The following PHF2 variants were observed in gnomAD, a reference collection of about 807,000 sequenced individuals.
The protein encoded by PHF2 is lysine-specific demethylase PHF2.
PHF2 carries 27 observed loss-of-function variants against 120.5 expected under a neutral mutation model. The ratio of observed to expected loss-of-function variants is 0.22; its 90% CI spans 0.17 to 0.31. The LOEUF is 0.31. PHF2 is among the 10% of genes least tolerant of loss of function. The pLI is 1.00. For synonymous variants in PHF2, 568 were observed against 592.5 expected, an observed-to-expected ratio of 0.96 and a Z score of 0.60; for missense variants, 1,024 against 1,434.8, an observed-to-expected ratio of 0.71 and a Z score of 4.63.
intron 20 of PHF2, 38 bp from the exon 21 acceptor site, chr9:93,676,556 C>T: frequency 1.3e-6 from 2 of 1,556,330 alleles, no homozygotes; most frequent in Non-Finnish European, 1.7e-6. Flanking sequence ...CCCAAGTGGG[C>T]TGTGCGTCTG....
In PHF2 at chr9:93,604,155, A is replaced by T. The variant is rs559186062; in HGVS notation, c.99-25815A>T. Among the ~76,000 whole-genome samples the T allele has an allele frequency of 1.1e-4, 17 of 152,186 alleles. No homozygotes were observed. In the South Asian group the frequency reaches 3.5e-3, roughly 32 times the overall value. On this transcript the variant is annotated intron_variant, in intron 1 of 21. Transcript: ENST00000359246. The stretch of plus-strand genomic sequence containing the variant: ...GACACCCCTCTGAGATGGGAAAAAC[A>T]GGTTGATGTGTGGTAGGGAAGAGGC...
intron 1 of PHF2, among the ~76,000 whole-genome samples, chr9:93,626,820 A>G (rs778001058): frequency 6.6e-6 from 1 of 152,268 alleles, no homozygotes; most frequent in Non-Finnish European, 1.5e-5. Context: ...CCTTAGCACC[A>G]TTTGTTGAAG....
chr9:93,589,294 A>G (rs1863125096), intron 1 of PHF2, among the ~76,000 whole-genome samples: 1 of 152,206 alleles, frequency 6.6e-6, no homozygotes, highest in African/African-American at 2.4e-5. Context: ...CACAGCAGAC[A>G]CTGTGTAGGG....
intron 1 of PHF2, among the ~76,000 whole-genome samples, chr9:93,586,725 G>T (rs912229384): frequency 5.9e-5 from 9 of 152,368 alleles, no homozygotes; most frequent in Non-Finnish European, 1.3e-4. Context: ...GAGCGAGCAC[G>T]TCCCTCAGTC....
At chr9:93,594,083 A>T (rs1409006376) in intron 1 of PHF2, among the ~76,000 whole-genome samples, 1 of 152,136 alleles carries the variant, frequency 6.6e-6, no homozygotes, top group African/African-American at 2.4e-5. Flanking sequence ...TCTCTGCTGC[A>T]CAGCAATTGG....
chr9:93,608,609 A>T (rs543313985), intron 1 of PHF2, among the ~76,000 whole-genome samples: 1 of 152,070 alleles, frequency 6.6e-6, no homozygotes, highest in Non-Finnish European at 1.5e-5. Context: ...TAATTATTCA[A>T]TTTCTTTAAT....
chr9:93,593,109 A>G (rs1382065025), intron 1 of PHF2, among the ~76,000 whole-genome samples: 1 of 147,296 alleles, frequency 6.8e-6, no homozygotes, highest in Non-Finnish European at 1.5e-5. Flanking sequence ...AAAAAAAAAA[A>G]AAGAAAAAAA....
At chr9:93,646,770 G>A (rs1038555390) in intron 4 of PHF2, among the ~76,000 whole-genome samples, 8 of 152,212 alleles carry the variant, frequency 5.3e-5, no homozygotes, top group African/African-American at 1.4e-4. Context: ...TGGGGCTACC[G>A]AGACTGGGCT....
At chr9:93,598,427 C>T (rs2131613395) in intron 1 of PHF2, among the ~76,000 whole-genome samples, 1 of 152,294 alleles carries the variant, frequency 6.6e-6, no homozygotes, top group South Asian at 2.1e-4. Flanking sequence ...GCTGTCAGTC[C>T]ATGGGGCCCC....
Position 93,667,080 on chromosome 9 carries a change from A to G in PHF2, c.2188A>G (p.Ser730Gly), listed in dbSNP as rs147647062. ...KPKLDSAAYK[S>G]DDSSDEGSLH... ...CGAAGCCCTGTCCCTCGCGCAGCAG[A>G]GTGATGACTCCTCGGACGAGGGTTC... The change falls in exon 17 of 22, where the codon AGT (serine) becomes GGT (glycine). Residue 730 changes from serine (S) to glycine (G), a missense_variant and splice_region_variant. By Grantham distance (56) the Ser-to-Gly change is moderately conservative. This residue lies in a region of PHF2 where 677 missense variants were observed against 857.4 expected (regional missense o/e 0.79). Transcript: ENST00000359246. The G allele has an allele frequency of 1.3e-4, 217 of 1,611,754 alleles. No individual in the cohort carries two copies. The highest frequency in any genetic ancestry group is 1.6e-4 in the Non-Finnish European group (189 of 1,179,544).
chr9:93,633,812 A>G (rs1826047555), intron 2 of PHF2, among the ~76,000 whole-genome samples: 1 of 151,500 alleles, frequency 6.6e-6, no homozygotes, highest in Admixed American at 6.6e-5. Context: ...GACGGGGAGG[A>G]CGCCCCCACC....
chr9:93,604,839 T>C (rs1450810412), intron 1 of PHF2, among the ~76,000 whole-genome samples: 2 of 59,722 alleles, frequency 3.3e-5, no homozygotes, highest in Non-Finnish European at 8.2e-5. Context: ...ATTCTGAGCC[T>C]TTTTTTTAGC....
intron 1 of PHF2, among the ~76,000 whole-genome samples, chr9:93,586,657 C>T (rs1863050164): frequency 6.6e-6 from 1 of 152,266 alleles, no homozygotes; most frequent in Non-Finnish European, 1.5e-5. Flanking sequence ...AGGAATCCAG[C>T]ATGAGCTGTG....
At chr9:93,587,437 G>T (rs1279105633) in intron 1 of PHF2, among the ~76,000 whole-genome samples, 1 of 150,226 alleles carries the variant, frequency 6.7e-6, no homozygotes, top group Non-Finnish European at 1.5e-5. Flanking sequence ...CCCAGGAGAG[G>T]GATGACGGAG....
At chr9:93,643,853 C>T (rs1826209196) in intron 3 of PHF2, among the ~76,000 whole-genome samples, 1 of 152,290 alleles carries the variant, frequency 6.6e-6, no homozygotes, top group African/African-American at 2.4e-5. Flanking sequence ...GCCTCTGCCC[C>T]CACCACTCAC....
At chr9:93,588,110 C>T (rs1290333779) in intron 1 of PHF2, among the ~76,000 whole-genome samples, 1 of 152,184 alleles carries the variant, frequency 6.6e-6, no homozygotes, top group East Asian at 1.9e-4. Context: ...CTGCACATCT[C>T]TCCCTGTCTC....
chr9:93,578,752 G>T (rs1862881768), intron 1 of PHF2, among the ~76,000 whole-genome samples: 1 of 152,234 alleles, frequency 6.6e-6, no homozygotes, highest in South Asian at 2.1e-4. Flanking sequence ...GCTGGCCTGA[G>T]AGCTGGTTGG....
intron 4 of PHF2, among the ~76,000 whole-genome samples, chr9:93,648,539 C>G (rs1367738303): frequency 6.6e-6 from 1 of 152,222 alleles, no homozygotes; most frequent in Admixed American, 6.5e-5. Flanking sequence ...CCTCCTCCCT[C>G]TATCAGTCAT....
At chr9:93,627,621 T>TA (rs1398844058) in intron 1 of PHF2, among the ~76,000 whole-genome samples, 1 of 152,146 alleles carries the variant, frequency 6.6e-6, no homozygotes, top group Non-Finnish European at 1.5e-5. Flanking sequence ...TTCACCATTG[T>TA]ATACAATGTT....
Sources: gnomAD v4.1 joint callset for allele counts (sites outside exome capture counted in the v4.1 genomes callset) on GRCh38, gnomAD v4.1.1 for gene constraint, gnomAD v4.1.1 regional missense constraint, MANE v1.5 for transcripts, NCBI Gene and HGNC (gene_info 2026-07-23, HGNC 2026-07-21) for gene names.